The following NBEAL1 variants were observed in gnomAD, a reference collection of about 807,000 sequenced individuals.
NBEAL1 encodes the protein neurobeachin-like protein 1.
In NBEAL1, 273 loss-of-function variants were observed where a neutral mutation model predicts 351.3. The observed-to-expected ratio is 0.78, with a 90% CI of 0.70 to 0.86. The LOEUF (loss-of-function observed/expected upper bound fraction) is 0.86. NBEAL1 is among the 40% of genes least tolerant of loss of function. The probability of loss-of-function intolerance (pLI) is 0.00; values close to 1 mark genes in which losing one functional copy is unlikely to be tolerated. For synonymous variants in NBEAL1, 1,050 were observed against 1,086.4 expected (o/e 0.97, Z 0.66); for missense variants, 2,961 against 3,201.3 (o/e 0.92, Z 1.81).
At chr2:203,144,425 C>T (rs1404376143) in intron 31 of NBEAL1, among the ~76,000 whole-genome samples, 175 bp from the exon 32 acceptor site, 2 of 152,120 alleles carry the variant, frequency 1.3e-5, no homozygotes, top group Non-Finnish European at 2.9e-5. Context: ...TCTGCCAATA[C>T]CTGTGAAACT....
At chr2:203,042,484 T>C (rs2061157811) in intron 3 of NBEAL1, among the ~76,000 whole-genome samples, 1 of 152,214 alleles carries the variant, frequency 6.6e-6, no homozygotes. Context: ...TATTGGAGTC[T>C]TACTACATAA....
At chr2:203,092,080 G>A (rs902790699) in intron 10 of NBEAL1, among the ~76,000 whole-genome samples, 3 of 152,048 alleles carry the variant, frequency 2.0e-5, no homozygotes, top group Non-Finnish European at 4.4e-5. Context: ...GTCATAGGGC[G>A]TACACTTTTC....
intron 31 of NBEAL1, among the ~76,000 whole-genome samples, chr2:203,139,451 G>A (rs952163783): frequency 1.3e-5 from 2 of 151,050 alleles, no homozygotes; most frequent in African/African-American, 4.9e-5. Context: ...TTTATTTGGT[G>A]CAGGGAGGTT....
intron 43 of NBEAL1, chr2:203,181,473 G>A (rs1303016134): frequency 1.3e-5 from 2 of 152,144 alleles, no homozygotes; most frequent in Non-Finnish European, 2.9e-5. Context: ...GAAGTATGGA[G>A]TTAAATATTA....
chr2:203,110,202 A>C lies in NBEAL1; in HGVS notation c.2002A>C (p.Met668Leu), dbSNP rs777847597. ...TGAAGCCTTTATTACCCATTCAGGT[A>C]TGTTGGTCGTGGCAGTGTGCACAAA... The part of the protein sequence containing the change: ...GFEAFITHSG[M>L]LVVAVCTKRE... Residue 668 changes from methionine to leucine, a missense_variant, in exon 15 of 56, where the codon ATG (methionine) becomes CTG (leucine). Transcript: ENST00000683969. The C allele has an allele frequency of 8.4e-6, 13 of 1,553,724 alleles. No individual in the cohort carries two copies. The highest frequency in any genetic ancestry group is 1.1e-5 in the Non-Finnish European group (13 of 1,147,484).
At chr2:203,039,893 G>C (rs2061111051) in intron 2 of NBEAL1, among the ~76,000 whole-genome samples, 1 of 152,136 alleles carries the variant, frequency 6.6e-6, no homozygotes, top group Admixed American at 6.5e-5. Flanking sequence ...TGTGAAACCT[G>C]TATTCTGGGG....
intron 51 of NBEAL1, among the ~76,000 whole-genome samples, chr2:203,207,472 G>T (rs956729707): frequency 2.6e-5 from 4 of 152,172 alleles, no homozygotes; most frequent in African/African-American, 9.7e-5. Flanking sequence ...AATAGAAAGG[G>T]GGGAAAGGTG....
chr2:203,092,055 T>C (rs1284011965), intron 10 of NBEAL1, among the ~76,000 whole-genome samples: 3 of 152,216 alleles, frequency 2.0e-5, no homozygotes, highest in Non-Finnish European at 4.4e-5. Flanking sequence ...ATTTTACTTC[T>C]AGTAGAATTA....
At chr2:203,187,510 C>T (rs2064938436) in intron 44 of NBEAL1, among the ~76,000 whole-genome samples, 7 of 149,788 alleles carry the variant, frequency 4.7e-5, no homozygotes, top group South Asian at 2.2e-4. Flanking sequence ...GAGGCCAAGG[C>T]GGGTGGATCA....
chr2:203,191,825 T>G (rs2065098397), intron 46 of NBEAL1, among the ~76,000 whole-genome samples: 1 of 152,214 alleles, frequency 6.6e-6, no homozygotes, highest in African/African-American at 2.4e-5. Context: ...TAAGCCCCCG[T>G]TAAACTAGAT....
At chr2:203,174,681 A>G (rs1185297788) in intron 41 of NBEAL1, among the ~76,000 whole-genome samples, 1 of 151,762 alleles carries the variant, frequency 6.6e-6, no homozygotes, top group Non-Finnish European at 1.5e-5. Context: ...TCACAAGGTC[A>G]GGAGATCGAG....
chr2:203,035,895 G>A (rs1162580965), intron 2 of NBEAL1, among the ~76,000 whole-genome samples: 2 of 149,278 alleles, frequency 1.3e-5, no homozygotes, highest in Non-Finnish European at 3.0e-5. Context: ...TACTTATTGA[G>A]CATATACTAT....
chr2:203,065,372 T>C (rs2061565187), intron 6 of NBEAL1, among the ~76,000 whole-genome samples: 1 of 152,212 alleles, frequency 6.6e-6, no homozygotes, highest in African/African-American at 2.4e-5. Context: ...CTTGAACTTT[T>C]TCCAAATAAA....
intron 4 of NBEAL1, among the ~76,000 whole-genome samples, chr2:203,052,586 C>G (rs1367721629): frequency 1.3e-5 from 2 of 152,044 alleles, no homozygotes; most frequent in Non-Finnish European, 2.9e-5. Flanking sequence ...TAGACAAGGT[C>G]TTACTCTGTC....
intron 9 of NBEAL1, 112 bp downstream of exon 9, chr2:203,083,637 G>C (rs1291542016): frequency 3.7e-6 from 3 of 804,336 alleles, no homozygotes; most frequent in African/African-American, 3.5e-5. Flanking sequence ...GTTTAATTCA[G>C]ATATCATATG....
chr2:203,080,157 C>T (rs1011749802), intron 8 of NBEAL1, among the ~76,000 whole-genome samples: 1 of 152,128 alleles, frequency 6.6e-6, no homozygotes, highest in African/African-American at 2.4e-5. Context: ...CCCCTGTAAT[C>T]ACAGCACTTT....
intron 26 of NBEAL1, among the ~76,000 whole-genome samples, chr2:203,132,745 G>A (rs1298830322): frequency 6.6e-6 from 1 of 151,872 alleles, no homozygotes; most frequent in Non-Finnish European, 1.5e-5. Flanking sequence ...GGGAGTTTGG[G>A]GATATAAGAT....
chr2:203,032,966 G>A (rs1227174098), intron 2 of NBEAL1, among the ~76,000 whole-genome samples: 1 of 151,044 alleles, frequency 6.6e-6, no homozygotes, highest in South Asian at 2.1e-4. Flanking sequence ...TGCCCATCTG[G>A]AAGTTGTACC....
intron 2 of NBEAL1, among the ~76,000 whole-genome samples, chr2:203,034,533 A>C (rs530619425): frequency 7.2e-6 from 1 of 139,098 alleles, no homozygotes; most frequent in African/African-American, 2.6e-5. Flanking sequence ...ATCTCGGCTC[A>C]CTGAAACCTC....
Sources: gnomAD v4.1 joint callset for allele counts (sites outside exome capture counted in the v4.1 genomes callset) on GRCh38, gnomAD v4.1.1 for gene constraint, MANE v1.5 for transcripts, NCBI Gene and HGNC (gene_info 2026-07-23, HGNC 2026-07-21) for gene names.